MKLN1: variants seen among roughly 807,000 people sequenced by gnomAD.
MKLN1 encodes muskelin 1, also known as muskelin.
MKLN1 carries 18 observed loss-of-function variants against 99.0 expected under a neutral mutation model. That is an observed-to-expected ratio of 0.18 (90% CI 0.13 to 0.27). MKLN1 has a LOEUF of 0.27. Among genes scored for constraint, MKLN1 ranks in the 10% least tolerant of loss-of-function variants. MKLN1 has a pLI of 1.00. For missense variants in MKLN1, 621 were observed against 875.9 expected (o/e 0.71, Z 3.67); for synonymous variants, 288 against 293.2 (o/e 0.98, Z 0.18).
chr7:131,444,376 T>C (rs1218731723), intron 11 of MKLN1, among the ~76,000 whole-genome samples: 1 of 151,852 alleles, frequency 6.6e-6, no homozygotes, highest in African/African-American at 2.4e-5. Flanking sequence ...CTCTGCCTTC[T>C]GCGGTGTTGG....
intron 1 of MKLN1, among the ~76,000 whole-genome samples, chr7:131,335,513 T>G (rs2116707454): frequency 6.6e-6 from 1 of 152,234 alleles, no homozygotes; most frequent in African/African-American, 2.4e-5. Flanking sequence ...TAACATAACT[T>G]ATATTTTGAA....
At chr7:131,247,750 T>C (rs1797513798) in intron 3 of MKLN1, among the ~76,000 whole-genome samples, 1 of 152,226 alleles carries the variant, frequency 6.6e-6, no homozygotes. Context: ...ATAGTAGAAG[T>C]TATTAGACTA....
chr7:131,139,623 TGA>T (rs1563228603), intron 1 of MKLN1, among the ~76,000 whole-genome samples: 1 of 152,082 alleles, frequency 6.6e-6, no homozygotes, highest in Non-Finnish European at 1.5e-5. Flanking sequence ...TGACAAGAAG[TGA>T]GAGATAGTGA....
chr7:131,245,959 C>T lies in MKLN1; in HGVS notation c.-179+42985C>T, dbSNP rs1355972421. Among the ~76,000 whole-genome samples the T allele has an allele frequency of 2.6e-5, 4 of 152,204 alleles. No homozygotes were observed. In the East Asian group the frequency reaches 7.7e-4, roughly 29 times the overall value. On this transcript the variant is annotated intron_variant, in intron 3 of 7. Coordinates refer to the MKLN1 transcript ENST00000416992. ...CACTCTTTTGTTCAATGGGCAGATG[C>T]GTGATTGCTGTGCACCTGTGATGGT...
intron 2 of MKLN1, among the ~76,000 whole-genome samples, chr7:131,160,007 G>A (rs1482018074): frequency 6.6e-6 from 1 of 151,986 alleles, no homozygotes; most frequent in African/African-American, 2.4e-5. Flanking sequence ...TCCAGAGCCC[G>A]AGCCTAGCTC....
At chr7:131,142,175 G>T (rs1795744035) in intron 1 of MKLN1, among the ~76,000 whole-genome samples, 1 of 151,924 alleles carries the variant, frequency 6.6e-6, no homozygotes. Context: ...GGAGGTCGAG[G>T]TGGGCAGATC....
At chr7:131,402,337 T>G (rs1794573478) in intron 6 of MKLN1, among the ~76,000 whole-genome samples, 1 of 152,200 alleles carries the variant, frequency 6.6e-6, no homozygotes, top group Non-Finnish European at 1.5e-5. Context: ...CAGGCTCTAC[T>G]TCTAATTCTA....
At chr7:131,271,212 C>G (rs1797878819) in intron 3 of MKLN1, among the ~76,000 whole-genome samples, 1 of 152,074 alleles carries the variant, frequency 6.6e-6, no homozygotes, top group Admixed American at 6.6e-5. Context: ...CTACCTAGGT[C>G]AGGGAAGGCT....
chr7:131,320,143 A>G (rs896290195), intron 3 of MKLN1, among the ~76,000 whole-genome samples: 2 of 152,210 alleles, frequency 1.3e-5, no homozygotes, highest in South Asian at 4.1e-4. Flanking sequence ...CAAAAATAAC[A>G]AAGTTGGAGG....
intron 2 of MKLN1, among the ~76,000 whole-genome samples, chr7:131,376,943 TTC>T (rs1393089450): frequency 7.2e-5 from 11 of 152,156 alleles, no homozygotes; most frequent in Admixed American, 3.3e-4. Flanking sequence ...TTTATAAATT[TTC>T]TGTGACTAGC....
intron 3 of MKLN1, among the ~76,000 whole-genome samples, chr7:131,273,738 C>T (rs1797921461): frequency 6.6e-6 from 1 of 151,762 alleles, no homozygotes; most frequent in South Asian, 2.1e-4. Flanking sequence ...GATCCCCCCA[C>T]CTCAGGCTCC....
chr7:131,129,989 G>A (rs1450647766), intron 1 of MKLN1, among the ~76,000 whole-genome samples: 2 of 152,152 alleles, frequency 1.3e-5, no homozygotes, highest in Non-Finnish European at 2.9e-5. Flanking sequence ...TATTTTATGG[G>A]TGTGATTTCT....
chr7:131,480,036 A>G (rs931007354), intron 17 of MKLN1, among the ~76,000 whole-genome samples: 1 of 150,498 alleles, frequency 6.6e-6, no homozygotes, highest in Non-Finnish European at 1.5e-5. Context: ...AAAAAAAAAA[A>G]AAAAATACCA....
chr7:131,150,950 A>C (rs1391521078), intron 2 of MKLN1, among the ~76,000 whole-genome samples: 1 of 152,222 alleles, frequency 6.6e-6, no homozygotes, highest in Non-Finnish European at 1.5e-5. Context: ...TGATGTAATT[A>C]TAAAATAGAC....
At chr7:131,153,013 A>T (rs1170666241) in intron 2 of MKLN1, among the ~76,000 whole-genome samples, 1 of 149,228 alleles carries the variant, frequency 6.7e-6, no homozygotes, top group Non-Finnish European at 1.5e-5. Flanking sequence ...AGGCTTAATC[A>T]GATTCATATA....
intron 3 of MKLN1, among the ~76,000 whole-genome samples, chr7:131,222,619 C>T (rs1257660890): frequency 2.0e-5 from 3 of 152,140 alleles, no homozygotes; most frequent in Non-Finnish European, 2.9e-5. Context: ...CTGGCAGTCA[C>T]GTGTTCACAG....
At chr7:131,227,017 C>T (rs1797157686) in intron 3 of MKLN1, among the ~76,000 whole-genome samples, 1 of 152,168 alleles carries the variant, frequency 6.6e-6, no homozygotes, top group African/African-American at 2.4e-5. Flanking sequence ...TTCCAGAATT[C>T]CCCATTTCAT....
chr7:131,399,405 C>T lies in MKLN1; in HGVS notation c.675C>T (p.Cys225=), dbSNP rs757367805. 1.5e-5 allele frequency: 24 copies of T among 1,613,596 alleles called. No homozygotes were observed. Among genetic ancestry groups the T allele is most frequent in the South Asian group, 4.4e-5 (4 of 91,058 alleles). The change falls in exon 6 of 18, where the codon TGC becomes TGT. Residue 225 remains cysteine, a synonymous_variant. Transcript: ENST00000352689. ...KLVLKGDFDA[C]EELIEKAVND... is the part of the protein sequence containing the mutation. ...TGTTGAAGGGTGATTTTGATGCTTG[C>T]GAAGAGTTGATTGAAAAGGCTGTAA...
chr7:131,224,748 C>T (rs1190416965), intron 3 of MKLN1, among the ~76,000 whole-genome samples: 1 of 151,464 alleles, frequency 6.6e-6, no homozygotes, highest in African/African-American at 2.4e-5. Flanking sequence ...AAGGAGTGAA[C>T]ATCTCAGGTT....
Sources: allele counts gnomAD v4.1 joint callset (sites outside exome capture counted in the v4.1 genomes callset), GRCh38; gene constraint gnomAD v4.1.1; transcripts MANE v1.5; gene names NCBI Gene and HGNC (gene_info 2026-07-23, HGNC 2026-07-21).